The following HMCN2 variants were observed in gnomAD, a reference collection of about 807,000 sequenced individuals.
The protein encoded by HMCN2 is hemicentin 2.
HMCN2 carries 325 observed loss-of-function variants against 377.5 expected under a neutral mutation model. The observed-to-expected ratio is 0.86, with a 90% CI of 0.79 to 0.94. The LOEUF (loss-of-function observed/expected upper bound fraction) is 0.94, where lower values mean the gene tolerates loss of function less well. HMCN2 is among the 40% of genes least tolerant of loss of function. The pLI is 0.00. For missense variants in HMCN2, 4,543 were observed against 4,725.3 expected (o/e 0.96, Z 1.13); for synonymous variants, 2,007 against 2,046.8 (o/e 0.98, Z 0.53).
chr9:130,301,668 G>A (rs1384761377), intron 8 of HMCN2, among the ~76,000 whole-genome samples: 3 of 152,234 alleles, frequency 2.0e-5, no homozygotes, highest in Non-Finnish European at 4.4e-5. Context: ...GTGGCAGGGA[G>A]CCTGGAGCAT....
intron 7 of HMCN2, 76 bp downstream of exon 7, chr9:130,296,870 G>T: frequency 2.2e-6 from 1 of 454,188 alleles, no homozygotes; most frequent in South Asian, 1.6e-5. Context: ...AAGTAGGGGG[G>T]AGGTGTGGGG....
At chr9:130,320,945 T>A (rs1837821662) in intron 18 of HMCN2, 42 bp downstream of exon 18, 1 of 152,300 alleles carries the variant, frequency 6.6e-6, no homozygotes, top group Non-Finnish European at 1.5e-5. Flanking sequence ...CGGTGGCACC[T>A]GGGGAAGAAG....
At chr9:130,389,193 C>T (rs1055991137) in intron 62 of HMCN2, among the ~76,000 whole-genome samples, 5 of 152,192 alleles carry the variant, frequency 3.3e-5, no homozygotes, top group African/African-American at 1.2e-4. Context: ...GCTGTGCTGG[C>T]TCCTCGAACC....
intron 22 of HMCN2, among the ~76,000 whole-genome samples, chr9:130,328,352 C>G (rs1838257575): frequency 6.6e-6 from 1 of 152,142 alleles, no homozygotes; most frequent in Non-Finnish European, 1.5e-5. Context: ...CACAGCTCCC[C>G]TAGAAAGCCC....
chr9:130,355,016 C>G lies in HMCN2; in HGVS notation c.5118C>G (p.Ala1706=), dbSNP rs1295072327. 1 of 1,290,862 alleles carries G rather than the reference C, an allele frequency of 7.7e-7. No individual in the cohort carries two copies. Among genetic ancestry groups the G allele is most frequent in the South Asian group, 1.2e-5 (1 of 80,822 alleles). The allele number at this position is 1,290,862 out of a possible 1,614,324, so 80.0% of individuals were successfully genotyped here. A position where few individuals can be genotyped will look rare whatever the true frequency, so the allele number is the denominator to read the frequency against. Residue 1706 remains alanine (A), a synonymous_variant, in exon 32 of 98, where the codon GCC becomes GCG. Coordinates refer to ENST00000683500, the MANE Select transcript of HMCN2 (RefSeq NM_001291815.2). ...TGGCCAGCAGTCCTGCCGGGGAAGC[C>G]GTCCTGCAGTACTCCGTGGAGGTTC... ...SCVASSPAGE[A]VLQYSVEVQV...
In HMCN2 at chr9:130,398,716, C is replaced by A; in HGVS notation, c.11483+9C>A. On this transcript the variant is annotated intron_variant, in intron 75 of 97. Coordinates refer to ENST00000683500, the MANE Select transcript of HMCN2 (RefSeq NM_001291815.2). ...CAGCAGGGCGCCTACCGGTAACGAG[C>A]TGGACTTTGCGGTGGCTTCCTGAGA... The A allele has an allele frequency of 7.8e-7, 1 of 1,288,326 alleles. No homozygotes were observed. Among genetic ancestry groups the A allele is most frequent in the Non-Finnish European group, 1.0e-6 (1 of 987,866 alleles). The allele number at this position is 1,288,326 out of a possible 1,614,324, so 79.8% of individuals were successfully genotyped here.
chr9:130,294,727 T>C (rs1346023558), intron 4 of HMCN2, 128 bp from the exon 5 acceptor site: 2 of 330,608 alleles, frequency 6.0e-6, no homozygotes, highest in Non-Finnish European at 1.2e-5. Flanking sequence ...GAATTGGGCC[T>C]GGTGTTGGAC....
At position 130,428,472 on chromosome 9, in the gene HMCN2, A is replaced by G. The variant is rs1196074318; in HGVS notation, c.14180A>G (p.Asp4727Gly). 6.5e-7 allele frequency: 1 copy of G among 1,541,956 alleles called. No homozygotes were observed. Among genetic ancestry groups the G allele is most frequent in the East Asian group, 2.4e-5 (1 of 40,924 alleles). ...TGTGGGCCTGGCTTCCGGGTGGCTG[A>G]TGGGGCCGGCTGTGAAGGTGATGGG... ...PDCGPGFRVADGAGCEDVDEC... is the reference protein window; with the variant it reads ...PDCGPGFRVAGGAGCEDVDEC... The change falls in exon 93 of 98, where the codon GAT becomes GGT. Residue 4727 changes from aspartate to glycine, a missense_variant. Around this residue, in one of 5 missense-constraint regions of HMCN2, gnomAD observed 1,155 missense variants for 1,157.7 expected, o/e 1.00. Coordinates refer to ENST00000683500, the MANE Select transcript of HMCN2 (RefSeq NM_001291815.2). This position sits in a 1 kb window ranked among gnomAD's most constrained non-coding sequence, Gnocchi z 5.0.
chr9:130,282,395 T>C (rs1433963845), intron 1 of HMCN2, among the ~76,000 whole-genome samples: 2 of 151,484 alleles, frequency 1.3e-5, no homozygotes, highest in Non-Finnish European at 2.9e-5. Flanking sequence ...TGAAGTGAGC[T>C]CTGCCTGAGA....
At chr9:130,283,440 G>T (rs1206223816) in intron 1 of HMCN2, among the ~76,000 whole-genome samples, 7 of 122,318 alleles carry the variant, frequency 5.7e-5, no homozygotes, top group Admixed American at 5.6e-4. Context: ...ACTCAGTGAC[G>T]ATCATTTGTT....
In HMCN2 at chr9:130,428,572, T is replaced by A. The variant is rs1844534956; in HGVS notation, c.14197+83T>A. On this transcript the variant is annotated intron_variant, in intron 93 of 97. Transcript: ENST00000683500. This position sits in a 1 kb window ranked among gnomAD's most constrained non-coding sequence, Gnocchi z 5.0. ...GGATCAGCTGACAGGGGGCTGTGTG[T>A]CACTGGGCTCTGGGCTTCCAGGAAG... 1.3e-6 allele frequency: 2 copies of A among 1,490,756 alleles called. No individual in the cohort carries two copies. Among genetic ancestry groups the A allele is most frequent in the East Asian group, 5.0e-5 (2 of 40,228 alleles). 92.3% of individuals were successfully genotyped at this position (1,490,756 alleles called of 1,614,324 possible). A position where few individuals can be genotyped will look rare whatever the true frequency, so the allele number is the denominator to read the frequency against.
chr9:130,371,762 T>C (rs771410903), intron 46 of HMCN2, among the ~76,000 whole-genome samples: 1 of 152,192 alleles, frequency 6.6e-6, no homozygotes, highest in African/African-American at 2.4e-5. Flanking sequence ...AGAGACTGCA[T>C]TGGGCCCAGT....
chr9:130,329,848 G>A (rs956356180), intron 22 of HMCN2, among the ~76,000 whole-genome samples: 9 of 151,752 alleles, frequency 5.9e-5, no homozygotes, highest in Admixed American at 5.9e-4. Context: ...ACCACACTCA[G>A]CCTCTCACAG....
In HMCN2 at chr9:130,296,787, C is replaced by T. The variant is rs1358883157; in HGVS notation, c.1005C>T (p.Pro335=). 4.2e-6 allele frequency: 2 copies of T among 471,064 alleles called. No individual in the cohort carries two copies. The highest frequency in any genetic ancestry group is 8.8e-6 in the Non-Finnish European group (2 of 227,052). 29.2% of individuals were successfully genotyped at this position (471,064 alleles called of 1,614,324 possible). ...ACCTCAACCACACCCTCGAGTGGCCCTTGCAAGGTACAGTACCCCGACCCT... is the reference window on the plus strand; with the variant it reads ...ACCTCAACCACACCCTCGAGTGGCCTTTGCAAGGTACAGTACCCCGACCCT... The part of the protein sequence containing the change: ...LLDLNHTLEW[P]LQGVPISLVI... Residue 335 remains proline, a synonymous_variant, in exon 7 of 98, where the codon CCC becomes CCT. Transcript: ENST00000683500.
intron 7 of HMCN2, among the ~76,000 whole-genome samples, chr9:130,298,797 G>A (rs1253076714): frequency 6.6e-6 from 1 of 152,192 alleles, no homozygotes; most frequent in Admixed American, 6.5e-5. Flanking sequence ...TTGGGAAGCC[G>A]TGGTTGGACG....
Position 130,278,039 on chromosome 9 carries a change from CCACCATCATCAT to C in HMCN2, c.260-6563_260-6552del, listed in dbSNP as rs1554924027. Among the ~76,000 whole-genome samples, 6 of 142,170 alleles carry C rather than the reference CCACCATCATCAT, an allele frequency of 4.2e-5. 1 individual carries two copies. Among genetic ancestry groups the C allele is most frequent in the Non-Finnish European group, 7.7e-5 (5 of 65,116 alleles). 93.3% of individuals were successfully genotyped at this position (142,170 alleles called of 152,430 possible). A position where few individuals can be genotyped will look rare whatever the true frequency, so the allele number is the denominator to read the frequency against. Reference sequence around the variant, plus strand: ...ATCACCACCACCACGATCATCACCACCACCATCATCATTACCACCACCACCACCACCATCATC... The same window carrying C: ...ATCACCACCACCACGATCATCACCACTACCACCACCACCACCACCATCATC... On this transcript the variant is annotated intron_variant, in intron 1 of 97. Transcript: ENST00000683500.
Position 130,393,731 on chromosome 9 carries a change from G to T in HMCN2, c.10235-11G>T, listed in dbSNP as rs181076387. ...TAAAATGGTTCCTGCCCACCTTTCT[G>T]CCCTCCATAGTGCCCCCTGTCCTGG... On this transcript the variant is annotated splice_polypyrimidine_tract_variant and intron_variant, in intron 67 of 97. Transcript: ENST00000683500. This position sits in a 1 kb window ranked among gnomAD's most constrained non-coding sequence, Gnocchi z 5.2. 1.4e-4 allele frequency: 178 copies of T among 1,227,738 alleles called. No homozygotes were observed. Among genetic ancestry groups the T allele is most frequent in the Admixed American group, 4.7e-4 (16 of 34,396 alleles). The allele number at this position is 1,227,738 out of a possible 1,614,324, so 76.1% of individuals were successfully genotyped here. A position where few individuals can be genotyped will look rare whatever the true frequency, so the allele number is the denominator to read the frequency against.
intron 43 of HMCN2, among the ~76,000 whole-genome samples, chr9:130,367,131 G>A (rs1444761774): frequency 6.6e-6 from 1 of 152,156 alleles, no homozygotes; most frequent in Non-Finnish European, 1.5e-5. Context: ...AGGAGGCAGG[G>A]AATCAGGGAT....
chr9:130,406,480 C>T, intron 82 of HMCN2: 1 of 292,022 alleles, frequency 3.4e-6, no homozygotes. Context: ...CCTCAGCAAA[C>T]CCCTTTTGCT....
Sources: allele counts gnomAD v4.1 joint callset (sites outside exome capture counted in the v4.1 genomes callset), GRCh38; gene constraint gnomAD v4.1.1; regional missense constraint gnomAD v4.1.1; non-coding constraint Gnocchi (gnomAD v3.1); transcripts MANE v1.5; gene names NCBI Gene and HGNC (gene_info 2026-07-23, HGNC 2026-07-21).